The following FNDC3A variants were observed in gnomAD, a reference collection of about 807,000 sequenced individuals.
FNDC3A encodes fibronectin type III domain containing 3A, also known as fibronectin type-III domain-containing protein 3A.
A neutral mutation model predicts 148.9 loss-of-function variants in FNDC3A; 32 were observed. The ratio of observed to expected loss-of-function variants is 0.21; its 90% CI spans 0.16 to 0.29. The LOEUF is 0.29. FNDC3A is among the 10% of genes least tolerant of loss of function. The pLI is 1.00. For missense variants in FNDC3A, 1,191 were observed against 1,452.8 expected (o/e 0.82, Z 2.93); for synonymous variants, 472 against 473.6 (o/e 1.00, Z 0.04).
intron 3 of FNDC3A, among the ~76,000 whole-genome samples, chr13:49,107,325 A>G (rs553613713): frequency 6.6e-6 from 1 of 152,316 alleles, no homozygotes; most frequent in South Asian, 2.1e-4. Context: ...GAAGTTTGAG[A>G]AAAGAGTGGT....
chr13:49,149,258 T>C (rs1219784207), intron 8 of FNDC3A, among the ~76,000 whole-genome samples: 2 of 151,620 alleles, frequency 1.3e-5, no homozygotes, highest in African/African-American at 4.9e-5. Context: ...GTGGTGAGAG[T>C]AGGCATCCTT....
chr13:49,198,035 T>C lies in FNDC3A; in HGVS notation c.2544T>C (p.Thr848=). The change falls in exon 22 of 26, where the codon ACT becomes ACC. Residue 848 remains threonine, a synonymous_variant. Transcript: ENST00000492622. ...TCAGTGAAGTAGTAGCCTGTGTGAC[T>C]CCACCATCAGTTCCTGGCATTGTGA... ...GPFSEVVACV[T]PPSVPGIVTC... is the part of the protein sequence containing the mutation. 1 of 1,614,130 alleles carries C rather than the reference T, an allele frequency of 6.2e-7. No individual in the cohort carries two copies.
intron 2 of FNDC3A, among the ~76,000 whole-genome samples, chr13:49,045,241 T>C (rs1875299830): frequency 6.6e-6 from 1 of 151,922 alleles, no homozygotes; most frequent in Admixed American, 6.6e-5. Flanking sequence ...GCAACCTCTG[T>C]CTCCCAGGTT....
At chr13:49,045,140 T>TCCTTTC (rs1211047055) in intron 2 of FNDC3A, 37 of 188,302 alleles carry the variant, frequency 2.0e-4, no homozygotes, top group African/African-American at 6.1e-4. Flanking sequence ...CCTTTCCCTT[T>TCCTTTC]CCTTTCCCTT....
chr13:49,137,916 T>A (rs1882473544), intron 6 of FNDC3A, among the ~76,000 whole-genome samples: 1 of 152,210 alleles, frequency 6.6e-6, no homozygotes, highest in African/African-American at 2.4e-5. Context: ...TGTCAGGTTC[T>A]AAAGGTTTCA....
intron 8 of FNDC3A, among the ~76,000 whole-genome samples, chr13:49,159,994 T>C (rs1883988143): frequency 6.6e-6 from 1 of 152,374 alleles, no homozygotes; most frequent in South Asian, 2.1e-4. Flanking sequence ...GATAAGCTTT[T>C]TGATGTGCTG....
intron 1 of FNDC3A, among the ~76,000 whole-genome samples, chr13:49,000,964 TTGTG>T (rs149236388): frequency 2.0e-5 from 3 of 150,004 alleles, no homozygotes; most frequent in East Asian, 3.9e-4. Flanking sequence ...TTTTGTGTGT[TTGTG>T]TGTGTGTGTG....
Position 49,149,483 on chromosome 13 carries a change from T to TA in FNDC3A, c.977+3549dup, listed in dbSNP as rs1466908994. 9.2e-5 allele frequency among the ~76,000 whole-genome samples: 14 copies of TA among 152,192 alleles called. 1 individual carries two copies. Among genetic ancestry groups the TA allele is most frequent in the Non-Finnish European group, 2.1e-4 (14 of 68,020 alleles). ...TAATTTTTGTCCTTCATTATGTTGATATGGTGTATCACATTATTGATTTGT... is the reference window on the plus strand; with the variant it reads ...TAATTTTTGTCCTTCATTATGTTGATAATGGTGTATCACATTATTGATTTGT... On this transcript the variant is annotated intron_variant, in intron 8 of 25. Transcript: ENST00000492622.
chr13:49,011,483 C>T (rs1294107825), intron 2 of FNDC3A, among the ~76,000 whole-genome samples: 1 of 152,176 alleles, frequency 6.6e-6, no homozygotes, highest in African/African-American at 2.4e-5. Flanking sequence ...ATCCACCCAC[C>T]TCGGTCCCCC....
intron 2 of FNDC3A, among the ~76,000 whole-genome samples, chr13:49,012,189 T>C (rs1952362107): frequency 6.6e-6 from 1 of 151,964 alleles, no homozygotes; most frequent in East Asian, 1.9e-4. Context: ...GATCTCGGCT[T>C]GCTGCAAGCT....
chr13:48,979,391 A>G (rs1951660007), intron 1 of FNDC3A, among the ~76,000 whole-genome samples: 1 of 152,196 alleles, frequency 6.6e-6, no homozygotes, highest in African/African-American at 2.4e-5. Context: ...CCTGGAAGGC[A>G]TTTGGAGGGA....
chr13:49,177,812 A>G lies in FNDC3A; in HGVS notation c.1531-756A>G, dbSNP rs575068639. Among the ~76,000 whole-genome samples, 4 of 152,290 alleles carry G rather than the reference A, an allele frequency of 2.6e-5. No individual in the cohort carries two copies. The South Asian group carries it at 8.3e-4, about 32-fold the overall frequency. On this transcript the variant is annotated intron_variant, in intron 13 of 25. Transcript: ENST00000492622. ...ACCCAGTTACAAAAGACTCCATATT[A>G]TATGATTCCATTTATATGGATATAG...
chr13:49,016,781 C>T (rs984071075), intron 2 of FNDC3A, among the ~76,000 whole-genome samples: 12 of 151,886 alleles, frequency 7.9e-5, no homozygotes, highest in African/African-American at 1.9e-4. Context: ...GAATGCGTCC[C>T]AGAGATTCTG....
intron 2 of FNDC3A, among the ~76,000 whole-genome samples, chr13:49,008,857 A>G (rs941260542): frequency 1.3e-5 from 2 of 152,056 alleles, no homozygotes; most frequent in African/African-American, 4.8e-5. Context: ...TTATTTTTAG[A>G]GCAGTTTTAG....
Position 49,187,104 on chromosome 13 carries a change from C to T in FNDC3A, c.1757-18C>T, listed in dbSNP as rs993293678. 4.4e-6 allele frequency: 7 copies of T among 1,594,528 alleles called. No individual in the cohort carries two copies. In the African/African-American group the frequency reaches 8.1e-5, roughly 18 times the overall value. On this transcript the variant is annotated intron_variant, in intron 15 of 25. Coordinates refer to ENST00000492622, the MANE Select transcript of FNDC3A (RefSeq NM_001079673.2). ...TTGTTTTGTACCTTGCCTAATACTA[C>T]TTTGCTTCTTTGGATAGATCCACCA...
At chr13:49,193,318 G>C (rs962867732) in intron 19 of FNDC3A, among the ~76,000 whole-genome samples, 1 of 152,084 alleles carries the variant, frequency 6.6e-6, no homozygotes, top group African/African-American at 2.4e-5. Flanking sequence ...TGGAGAGCAG[G>C]GGTATGATCA....
intron 2 of FNDC3A, among the ~76,000 whole-genome samples, chr13:49,030,291 CAA>C (rs1301337435): frequency 6.6e-6 from 1 of 152,088 alleles, no homozygotes; most frequent in Non-Finnish European, 1.5e-5. Flanking sequence ...TCAGTAGACT[CAA>C]AAGAAGCATT....
chr13:49,016,454 T>G (rs1282343781), intron 2 of FNDC3A, among the ~76,000 whole-genome samples: 1 of 152,234 alleles, frequency 6.6e-6, no homozygotes, highest in Non-Finnish European at 1.5e-5. Context: ...GATATCCCCT[T>G]TATCATTTTT....
At chr13:49,117,042 GGTAAGAA>G (rs759016940) in intron 4 of FNDC3A, among the ~76,000 whole-genome samples, 8 of 152,000 alleles carry the variant, frequency 5.3e-5, no homozygotes, top group Non-Finnish European at 8.8e-5. Context: ...AAGGGAATGA[GGTAAGAA>G]GTAAGAAGTC....
Sources: gnomAD v4.1 joint callset for allele counts (sites outside exome capture counted in the v4.1 genomes callset) on GRCh38, gnomAD v4.1.1 for gene constraint, MANE v1.5 for transcripts, NCBI Gene and HGNC (gene_info 2026-07-23, HGNC 2026-07-21) for gene names.